The following MAGI3 variants were observed in gnomAD, a reference collection of about 807,000 sequenced individuals.
The protein encoded by MAGI3 is membrane-associated guanylate kinase, WW and PDZ domain-containing protein 3.
MAGI3 carries 43 observed loss-of-function variants against 121.8 expected under a neutral mutation model. The observed-to-expected ratio is 0.35, with a 90% confidence interval of 0.28 to 0.46. The LOEUF is 0.46. MAGI3 is among the 20% of genes least tolerant of loss of function. MAGI3 has a pLI of 1.00. For missense variants in MAGI3, 1,547 were observed against 1,797.3 expected (o/e 0.86, Z 2.52); for synonymous variants, 553 against 639.3 (o/e 0.86, Z 2.04).
chr1:113,569,869 AATTTT>A (rs1466396631), intron 2 of MAGI3, among the ~76,000 whole-genome samples: 2 of 152,108 alleles, frequency 1.3e-5, no homozygotes, highest in African/African-American at 2.4e-5. Context: ...ATTATAAATC[AATTTT>A]ATTTTATTTT....
At chr1:113,629,191 G>C (rs371835804) in intron 9 of MAGI3, among the ~76,000 whole-genome samples, 31 of 151,804 alleles carry the variant, frequency 2.0e-4, no homozygotes, top group African/African-American at 7.5e-4. Context: ...CTACTTGATC[G>C]ATTCTGCTGT....
chr1:113,522,044 AACTC>A (rs1658223990), intron 1 of MAGI3, among the ~76,000 whole-genome samples: 1 of 152,096 alleles, frequency 6.6e-6, no homozygotes, highest in African/African-American at 2.4e-5. Flanking sequence ...GAGCTTTACT[AACTC>A]TTCTTCCCCT....
intron 6 of MAGI3, among the ~76,000 whole-genome samples, chr1:113,607,544 C>T (rs1000631447): frequency 6.6e-6 from 1 of 152,142 alleles, no homozygotes; most frequent in African/African-American, 2.4e-5. Context: ...AGAACCGATA[C>T]TGTTTGTGTA....
intron 11 of MAGI3, among the ~76,000 whole-genome samples, chr1:113,645,496 C>T (rs926891918): frequency 8.5e-5 from 13 of 152,140 alleles, no homozygotes; most frequent in Non-Finnish European, 1.0e-4. Flanking sequence ...CCACTGCAGT[C>T]GCAGTGGCCC....
chr1:113,563,996 C>T (rs936099876), intron 2 of MAGI3, among the ~76,000 whole-genome samples: 1 of 152,162 alleles, frequency 6.6e-6, no homozygotes, highest in Non-Finnish European at 1.5e-5. Flanking sequence ...TCTCCCTCAG[C>T]TTTAGGGTGA....
At chr1:113,454,870 T>A (rs1286589570) in intron 1 of MAGI3, among the ~76,000 whole-genome samples, 1 of 152,156 alleles carries the variant, frequency 6.6e-6, no homozygotes, top group African/African-American at 2.4e-5. Context: ...ATCATCCTTA[T>A]CAACCTTGAA....
intron 1 of MAGI3, among the ~76,000 whole-genome samples, chr1:113,437,133 C>T (rs939223772): frequency 1.8e-4 from 27 of 151,994 alleles, no homozygotes; most frequent in Non-Finnish European, 2.6e-4. Context: ...TTTTTTATCT[C>T]CCTTTATTTC....
intron 11 of MAGI3, among the ~76,000 whole-genome samples, chr1:113,645,645 C>G (rs1173161450): frequency 6.6e-6 from 1 of 152,162 alleles, no homozygotes; most frequent in Admixed American, 6.5e-5. Flanking sequence ...AGGGTCCCCT[C>G]TAGCACGACA....
chr1:113,444,533 T>G (rs1328212181), intron 1 of MAGI3, among the ~76,000 whole-genome samples: 1 of 152,128 alleles, frequency 6.6e-6, no homozygotes, highest in South Asian at 2.1e-4. Flanking sequence ...GGGAAAACCT[T>G]AAGTTTACAT....
chr1:113,639,650 C>A (rs1382181693), intron 9 of MAGI3, among the ~76,000 whole-genome samples: 1 of 152,176 alleles, frequency 6.6e-6, no homozygotes, highest in Non-Finnish European at 1.5e-5. Flanking sequence ...TTACTGCAAC[C>A]TCTGCCTCCT....
chr1:113,394,260 T>C, intron 1 of MAGI3, among the ~76,000 whole-genome samples: 1 of 152,246 alleles, frequency 6.6e-6, no homozygotes, highest in Non-Finnish European at 1.5e-5. Context: ...ATCTGAAGCT[T>C]TTCCTGAATC....
intron 1 of MAGI3, among the ~76,000 whole-genome samples, chr1:113,444,285 G>A (rs1654060876): frequency 6.6e-6 from 1 of 152,190 alleles, no homozygotes; most frequent in South Asian, 2.1e-4. Flanking sequence ...TGCTCACAGA[G>A]GTGCAGAGAG....
chr1:113,534,109 C>G (rs1658856128), intron 1 of MAGI3, among the ~76,000 whole-genome samples: 1 of 152,166 alleles, frequency 6.6e-6, no homozygotes, highest in Admixed American at 6.5e-5. Flanking sequence ...GACTCTGCCT[C>G]CTATTTCACC....
At chr1:113,656,924 A>C (rs1431265639) in intron 15 of MAGI3, among the ~76,000 whole-genome samples, 1 of 152,190 alleles carries the variant, frequency 6.6e-6, no homozygotes, top group Admixed American at 6.5e-5. Context: ...TCTATTTAAG[A>C]TTAAGAAGAC....
chr1:113,577,409 T>C (rs1314134899), intron 2 of MAGI3, among the ~76,000 whole-genome samples: 1 of 152,044 alleles, frequency 6.6e-6, no homozygotes. Flanking sequence ...TTGGAGACTG[T>C]GTATGGCTCC....
chr1:113,486,145 G>C (rs530810624), intron 1 of MAGI3, among the ~76,000 whole-genome samples: 1 of 152,044 alleles, frequency 6.6e-6, no homozygotes, highest in East Asian at 1.9e-4. Context: ...TTGGCTATGC[G>C]GGCTCTTTTT....
chr1:113,407,834 TA>T (rs1327367400), intron 1 of MAGI3, among the ~76,000 whole-genome samples: 10 of 152,190 alleles, frequency 6.6e-5, no homozygotes, highest in African/African-American at 2.2e-4. Context: ...CGAACTCGTT[TA>T]TGTGCTAAAA....
intron 1 of MAGI3, among the ~76,000 whole-genome samples, chr1:113,403,079 G>A (rs1368418471): frequency 6.6e-6 from 1 of 152,114 alleles, no homozygotes. Context: ...TATAATGCAG[G>A]GAATTAATTG....
At chr1:113,620,236 AAT>A (rs1282811538) in intron 8 of MAGI3, among the ~76,000 whole-genome samples, 1 of 152,210 alleles carries the variant, frequency 6.6e-6, no homozygotes, top group Non-Finnish European at 1.5e-5. Flanking sequence ...ATAAATACTA[AAT>A]ATATCAAATG....
Sources: gnomAD v4.1 joint callset for allele counts (sites outside exome capture counted in the v4.1 genomes callset) on GRCh38, gnomAD v4.1.1 for gene constraint, MANE v1.5 for transcripts, NCBI Gene and HGNC (gene_info 2026-07-23, HGNC 2026-07-21) for gene names.